ACOT7: variants seen among roughly 807,000 people sequenced by gnomAD.
ACOT7 encodes the protein acyl-CoA thioesterase 7, also known as cytosolic acyl coenzyme A thioester hydrolase.
A neutral mutation model predicts 40.2 loss-of-function variants in ACOT7; 12 were observed. The ratio of observed to expected loss-of-function variants is 0.30; its 90% confidence interval spans 0.19 to 0.48. ACOT7 has a LOEUF of 0.48. ACOT7 is among the 20% of genes least tolerant of loss of function. The probability of loss-of-function intolerance (pLI) is 0.99; values close to 1 mark genes in which losing one functional copy is unlikely to be tolerated. For synonymous variants in ACOT7, 228 were observed against 219.5 expected, an observed-to-expected ratio of 1.04 and a Z score of -0.34; for missense variants, 395 against 530.8, an observed-to-expected ratio of 0.74 and a Z score of 2.51.
chr1:6,376,521 G>A (rs1034391223), intron 1 of ACOT7, among the ~76,000 whole-genome samples: 8 of 151,998 alleles, frequency 5.3e-5, no homozygotes, highest in Admixed American at 2.6e-4. Flanking sequence ...GAGGTCAGGA[G>A]ATCGAGACCA....
intron 8 of ACOT7, among the ~76,000 whole-genome samples, chr1:6,276,541 G>C (rs74049521): frequency 0.059 from 9,046 of 152,164 alleles, 392 homozygotes; most frequent in African/African-American, 0.12. Context: ...GCCAGGCCCT[G>C]GGGAAGGGAG....
chr1:6,282,807 C>G lies in ACOT7; in HGVS notation c.830-1521G>C. Reference sequence around the variant, plus strand: ...CAGGCATTACGTGAGCTGTAAGGTACAGAGTCCCATGCAAAGCGCCCGCAG... The same window carrying G: ...CAGGCATTACGTGAGCTGTAAGGTAGAGAGTCCCATGCAAAGCGCCCGCAG... On this transcript the variant is annotated intron_variant, in intron 7 of 8. Transcript: ENST00000361521. This position sits in a 1 kb window ranked among gnomAD's most constrained non-coding sequence, Gnocchi z 4.5. 1 of 1,304,218 alleles carries G rather than the reference C, an allele frequency of 7.7e-7. No homozygotes were observed. Among genetic ancestry groups the G allele is most frequent in the Non-Finnish European group, 1.0e-6 (1 of 988,916 alleles). 80.8% of individuals were successfully genotyped at this position (1,304,218 alleles called of 1,614,324 possible).
At chr1:6,318,429 T>C in intron 6 of ACOT7, 63 bp downstream of exon 6, 1 of 1,542,166 alleles carries the variant, frequency 6.5e-7, no homozygotes. Context: ...GCAGCACGGC[T>C]GCCAGAGAAG....
intron 1 of ACOT7, among the ~76,000 whole-genome samples, chr1:6,387,492 C>T (rs1244837232): frequency 6.6e-6 from 1 of 152,194 alleles, no homozygotes; most frequent in East Asian, 1.9e-4. Context: ...ATATTTGTAA[C>T]AGACTTCCCC....
At chr1:6,284,781 C>T (rs1639456111) in intron 7 of ACOT7, among the ~76,000 whole-genome samples, 1 of 152,056 alleles carries the variant, frequency 6.6e-6, no homozygotes, top group African/African-American at 2.4e-5. Context: ...TCAGCCTCTA[C>T]AAGGGCCCCT....
intron 1 of ACOT7, among the ~76,000 whole-genome samples, chr1:6,381,227 A>C (rs1161006740): frequency 6.6e-6 from 1 of 151,918 alleles, no homozygotes; most frequent in African/African-American, 2.4e-5. Flanking sequence ...ACTTATATAG[A>C]TACACAAGGA....
intron 1 of ACOT7, among the ~76,000 whole-genome samples, chr1:6,382,584 G>C (rs6692732): frequency 6.6e-6 from 1 of 151,718 alleles, no homozygotes; most frequent in African/African-American, 2.4e-5. Flanking sequence ...GGCAGACGGA[G>C]ATGGGCAGAT....
At chr1:6,277,732 T>C (rs574585376) in intron 8 of ACOT7, among the ~76,000 whole-genome samples, 1 of 152,362 alleles carries the variant, frequency 6.6e-6, no homozygotes, top group South Asian at 2.1e-4. Context: ...AAATTGTACC[T>C]GTCCCCCGGC....
chr1:6,358,849 G>T lies in ACOT7; in HGVS notation c.144-8983C>A. On this transcript the variant is annotated intron_variant, in intron 1 of 8. Transcript: ENST00000361521. This position sits in a 1 kb window ranked among gnomAD's most constrained non-coding sequence, Gnocchi z 4.1. ...ACCTGCTCAGCTGGAAAGCCATGGT[G>T]GCTAGGACATCCCAGGATCAGATGC... 6.2e-7 allele frequency: 1 copy of T among 1,613,956 alleles called. No homozygotes were observed. Among genetic ancestry groups the T allele is most frequent in the Non-Finnish European group, 8.5e-7 (1 of 1,179,898 alleles).
chr1:6,269,397 C>T (rs1280073228), intron 8 of ACOT7, among the ~76,000 whole-genome samples: 2 of 152,226 alleles, frequency 1.3e-5, no homozygotes, highest in Non-Finnish European at 2.9e-5. Flanking sequence ...TTGGCCTCCC[C>T]CAGGCGGGGG....
In ACOT7 at chr1:6,383,433, C is replaced by T. The variant is rs557743664; in HGVS notation, c.143+9824G>A. ...CGATCTCCTGACCTCGTGATCCATC[C>T]GCCTCAGCCTCCCAAAGTTCTGGGA... On this transcript the variant is annotated intron_variant, in intron 1 of 8. Transcript: ENST00000361521. Among the ~76,000 whole-genome samples the T allele has an allele frequency of 9.3e-5, 14 of 151,266 alleles. No individual in the cohort carries two copies. In the South Asian group the frequency reaches 1.0e-3, roughly 11 times the overall value.
Position 6,349,886 on chromosome 1 carries a change from G to A in ACOT7, c.144-20C>T, listed in dbSNP as rs1177919612. The A allele has an allele frequency of 6.2e-7, 1 of 1,610,472 alleles. No individual in the cohort carries two copies. Among genetic ancestry groups the A allele is most frequent in the Non-Finnish European group, 8.5e-7 (1 of 1,177,078 alleles). On this transcript the variant is annotated intron_variant, in intron 1 of 8. Transcript: ENST00000361521. ...ATGATCCTAGGGCAGAGGAGAAGCA[G>A]GATGAGGCCTCTGGAGAGGATGCCA...
At chr1:6,393,152 C>T (rs1482624953) in intron 1 of ACOT7, 105 bp downstream of exon 1, 1 of 1,149,976 alleles carries the variant, frequency 8.7e-7, no homozygotes, top group Non-Finnish European at 1.1e-6. Flanking sequence ...AATCGGCGGG[C>T]GGGGGCGGCC....
chr1:6,379,464 CT>C (rs552359033), intron 1 of ACOT7, among the ~76,000 whole-genome samples: 36 of 147,928 alleles, frequency 2.4e-4, no homozygotes, highest in South Asian at 4.3e-4. Flanking sequence ...AGCTATGTAA[CT>C]TTTTTTTTTT....
chr1:6,277,290 G>C (rs1266569762), intron 8 of ACOT7, among the ~76,000 whole-genome samples: 1 of 152,256 alleles, frequency 6.6e-6, no homozygotes, highest in Non-Finnish European at 1.5e-5. Flanking sequence ...GCACAGCCCA[G>C]CTGGGGGCAG....
chr1:6,282,703 T>G lies in ACOT7; in HGVS notation c.830-1417A>C. The G allele has an allele frequency of 1.5e-6, 2 of 1,301,968 alleles. No individual in the cohort carries two copies. The highest frequency in any genetic ancestry group is 2.0e-6 in the Non-Finnish European group (2 of 986,940). 80.7% of individuals were successfully genotyped at this position (1,301,968 alleles called of 1,614,324 possible). ...TAAAAAGTATCAGAACGATCCATGC[T>G]ACATTCAACTTCATACTTACAGGGA... On this transcript the variant is annotated intron_variant, in intron 7 of 8. Transcript: ENST00000361521. This position sits in a 1 kb window ranked among gnomAD's most constrained non-coding sequence, Gnocchi z 4.5.
At chr1:6,381,512 A>T (rs1642334534) in intron 1 of ACOT7, among the ~76,000 whole-genome samples, 1 of 151,676 alleles carries the variant, frequency 6.6e-6, no homozygotes, top group Admixed American at 6.6e-5. Flanking sequence ...GATGGCAACT[A>T]TCAAAAAAAA....
intron 1 of ACOT7, among the ~76,000 whole-genome samples, chr1:6,383,027 G>T (rs1256961842): frequency 6.7e-6 from 1 of 149,842 alleles, no homozygotes; most frequent in Non-Finnish European, 1.5e-5. Context: ...TACAGGCGTG[G>T]GCTACCACGC....
At chr1:6,341,790 C>T (rs1641285340) in intron 2 of ACOT7, among the ~76,000 whole-genome samples, 1 of 152,158 alleles carries the variant, frequency 6.6e-6, no homozygotes, top group South Asian at 2.1e-4. Context: ...ATAGGCGACC[C>T]ATTCTCATGA....
Sources: allele counts gnomAD v4.1 joint callset (sites outside exome capture counted in the v4.1 genomes callset), GRCh38; gene constraint gnomAD v4.1.1; non-coding constraint Gnocchi (gnomAD v3.1); transcripts MANE v1.5; gene names NCBI Gene and HGNC (gene_info 2026-07-23, HGNC 2026-07-21).